The following HIVEP3 variants were observed in gnomAD, a reference collection of about 807,000 sequenced individuals.
HIVEP3 encodes HIVEP zinc finger 3.
HIVEP3 carries 49 observed loss-of-function variants against 152.8 expected under a neutral mutation model. The ratio of observed to expected loss-of-function variants is 0.32; its 90% CI spans 0.26 to 0.41. The LOEUF (loss-of-function observed/expected upper bound fraction) is 0.41. HIVEP3 is among the 10% of genes least tolerant of loss of function. The pLI, the probability that HIVEP3 is intolerant of heterozygous loss-of-function variation, is 1.00. For missense variants in HIVEP3, 2,790 were observed against 3,103.3 expected (o/e 0.90, Z 2.40); for synonymous variants, 1,269 against 1,289.0 (o/e 0.98, Z 0.33).
intron 3 of HIVEP3, among the ~76,000 whole-genome samples, chr1:41,628,098 TAA>T: frequency 6.6e-6 from 1 of 152,304 alleles, no homozygotes; most frequent in Middle Eastern, 3.4e-3. Context: ...AATGCATATA[TAA>T]ACATAAGCTG....
intron 1 of HIVEP3, among the ~76,000 whole-genome samples, chr1:41,863,865 G>A (rs953912993): frequency 2.0e-5 from 3 of 152,192 alleles, no homozygotes; most frequent in Non-Finnish European, 2.9e-5. Flanking sequence ...TAAAATTTAC[G>A]ATTGTGAGAG....
At chr1:41,824,998 G>A (rs936918113) in intron 1 of HIVEP3, among the ~76,000 whole-genome samples, 9 of 151,688 alleles carry the variant, frequency 5.9e-5, no homozygotes, top group African/African-American at 2.2e-4. Flanking sequence ...TTGGCCTCCC[G>A]AGTAGATGGG....
chr1:41,884,393 T>G (rs1334718879), intron 1 of HIVEP3, among the ~76,000 whole-genome samples: 1 of 152,226 alleles, frequency 6.6e-6, no homozygotes, highest in East Asian at 1.9e-4. Flanking sequence ...ACATGCAACC[T>G]GCCACCTGGG....
rs183292201 is a variant in HIVEP3, at chr1:41,532,978, A to C, written c.5208-8068T>G. ...GCCCTCAAAAAGAGAAAGGTCAGAG[A>C]AGCAGGAAACTGGGAGAGAACTGTG... On this transcript the variant is annotated intron_variant, in intron 5 of 8. Coordinates refer to ENST00000372583, the MANE Select transcript of HIVEP3 (RefSeq NM_024503.5). 5.3e-5 allele frequency among the ~76,000 whole-genome samples: 8 copies of C among 152,258 alleles called. No homozygotes were observed. In the East Asian group the frequency reaches 1.5e-3, roughly 29 times the overall value.
At chr1:41,781,453 A>G (rs1649036498) in intron 1 of HIVEP3, among the ~76,000 whole-genome samples, 2 of 152,104 alleles carry the variant, frequency 1.3e-5, no homozygotes, top group South Asian at 2.1e-4. Context: ...TGTCTATTCT[A>G]CTTCCTAAAG....
intron 1 of HIVEP3, among the ~76,000 whole-genome samples, chr1:41,781,844 C>A (rs921300596): frequency 6.6e-6 from 1 of 152,216 alleles, no homozygotes; most frequent in African/African-American, 2.4e-5. Flanking sequence ...TGTCACTTGT[C>A]GCTCTTCAAG....
chr1:41,751,039 G>C (rs1044431066), intron 1 of HIVEP3, among the ~76,000 whole-genome samples: 13 of 152,106 alleles, frequency 8.5e-5, no homozygotes, highest in African/African-American at 2.7e-4. Flanking sequence ...CCTTGGACTA[G>C]GTTCGTAAGA....
intron 1 of HIVEP3, among the ~76,000 whole-genome samples, chr1:41,732,515 AC>A (rs1646857021): frequency 6.6e-6 from 1 of 152,100 alleles, no homozygotes; most frequent in African/African-American, 2.4e-5. Flanking sequence ...TGGGGCTGGT[AC>A]TATAGGAGCA....
chr1:41,698,332 GT>G (rs1646308378), intron 2 of HIVEP3, among the ~76,000 whole-genome samples: 1 of 152,248 alleles, frequency 6.6e-6, no homozygotes, highest in South Asian at 2.1e-4. Context: ...TAGAGACTAA[GT>G]TTATTCATCT....
intron 3 of HIVEP3, among the ~76,000 whole-genome samples, chr1:41,605,157 G>C (rs1337639372): frequency 1.5e-5 from 2 of 135,958 alleles, no homozygotes; most frequent in Non-Finnish European, 3.2e-5. Flanking sequence ...GAAGCGGAGG[G>C]GTGGAGAGGG....
At chr1:41,544,870 CCACCACTACCACCTCTACCACCACCAT>C (rs2149073501) in intron 5 of HIVEP3, among the ~76,000 whole-genome samples, 1 of 122,766 alleles carries the variant, frequency 8.1e-6, no homozygotes, top group South Asian at 2.6e-4. Context: ...ACCACCACCA[CCACCACTACCACCTCTACCACCACCAT>C]CACCACCACC....
chr1:41,810,248 G>A (rs914572358), intron 1 of HIVEP3, among the ~76,000 whole-genome samples: 1 of 152,144 alleles, frequency 6.6e-6, no homozygotes, highest in African/African-American at 2.4e-5. Flanking sequence ...TTTCGATTCT[G>A]CCTTCAGGCA....
At chr1:41,804,938 G>T (rs955895414) in intron 1 of HIVEP3, among the ~76,000 whole-genome samples, 2 of 152,238 alleles carry the variant, frequency 1.3e-5, no homozygotes, top group Non-Finnish European at 2.9e-5. Context: ...AGCTAATTCT[G>T]CAAGAAGCTT....
At chr1:42,033,452 C>T (rs775574911) in intron 1 of HIVEP3, among the ~76,000 whole-genome samples, 5 of 152,204 alleles carry the variant, frequency 3.3e-5, no homozygotes, top group Non-Finnish European at 7.3e-5. Flanking sequence ...TGTATGCCCT[C>T]CTAGTCCTTT....
chr1:41,818,163 T>C (rs888171857), intron 1 of HIVEP3, among the ~76,000 whole-genome samples: 1 of 152,210 alleles, frequency 6.6e-6, no homozygotes, highest in Non-Finnish European at 1.5e-5. Context: ...TGGCAAAGCA[T>C]ATGAATAGGC....
intron 1 of HIVEP3, among the ~76,000 whole-genome samples, chr1:42,027,772 C>T (rs7515102): frequency 0.68 from 103,685 of 152,028 alleles, 35,963 homozygotes; most frequent in East Asian, 0.96. Flanking sequence ...TCTTACATGG[C>T]GGTGGCAAGA....
At chr1:41,857,983 A>ATCTCTCTCTCTCTG (rs1553123643) in intron 1 of HIVEP3, among the ~76,000 whole-genome samples, 6 of 148,596 alleles carry the variant, frequency 4.0e-5, no homozygotes, top group African/African-American at 1.5e-4. Context: ...CAATCAATCA[A>ATCTCTCTCTCTCTG]TCTCTCTCTC....
intron 1 of HIVEP3, among the ~76,000 whole-genome samples, chr1:41,858,821 G>A (rs1570682836): frequency 6.6e-6 from 1 of 152,342 alleles, no homozygotes; most frequent in East Asian, 1.9e-4. Flanking sequence ...GCTCAGCAAA[G>A]GCCTCTGTGA....
chr1:41,954,168 C>T (rs1645125804), intron 1 of HIVEP3, among the ~76,000 whole-genome samples: 1 of 152,154 alleles, frequency 6.6e-6, no homozygotes, highest in Non-Finnish European at 1.5e-5. Flanking sequence ...CCTCAAATTC[C>T]CCAGGACAGA....
Sources: allele counts gnomAD v4.1 joint callset (sites outside exome capture counted in the v4.1 genomes callset), GRCh38; gene constraint gnomAD v4.1.1; transcripts MANE v1.5; gene names NCBI Gene and HGNC (gene_info 2026-07-23, HGNC 2026-07-21).